Variants in SMC2 observed in about 807,000 individuals in gnomAD.
SMC2 encodes structural maintenance of chromosomes 2.
Under a neutral mutation model 142.6 loss-of-function variants are expected in SMC2, and 41 were observed. The observed-to-expected ratio is 0.29, with a 90% CI of 0.22 to 0.37. The LOEUF (loss-of-function observed/expected upper bound fraction) is 0.37. SMC2 is among the 10% of genes least tolerant of loss of function. The probability of loss-of-function intolerance (pLI) is 1.00; values close to 1 mark genes in which losing one functional copy is unlikely to be tolerated. For missense variants in SMC2, 1,265 were observed against 1,373.7 expected (o/e 0.92, Z 1.25); for synonymous variants, 463 against 457.5 (o/e 1.01, Z -0.15).
upstream of SMC2, chr9:104,092,277 A>T (rs1829995672): frequency 6.6e-6 from 1 of 152,218 alleles, no homozygotes; most frequent in African/African-American, 2.4e-5. Flanking sequence ...AGATCTGCAC[A>T]TTCTTCTAAC....
chr9:104,106,718 C>T (rs1463131416), intron 9 of SMC2, among the ~76,000 whole-genome samples: 1 of 152,108 alleles, frequency 6.6e-6, no homozygotes, highest in Non-Finnish European at 1.5e-5. Flanking sequence ...TTTTAGCATT[C>T]GAGTCACTAA....
chr9:104,102,392 T>A, intron 8 of SMC2, 32 bp from the exon 9 acceptor site: 1 of 1,566,434 alleles, frequency 6.4e-7, no homozygotes, highest in Non-Finnish European at 8.6e-7. Context: ...AAATTTTACA[T>A]AAGTGATTGA....
At chr9:104,101,859 C>T (rs1288054440) in intron 7 of SMC2, 101 bp from the exon 8 acceptor site, 10 of 705,682 alleles carry the variant, frequency 1.4e-5, no homozygotes, top group Non-Finnish European at 2.1e-5. Context: ...TAATACAGGA[C>T]AAAATCTATT....
At chr9:104,093,959 C>A (rs1253437809), upstream of SMC2, among the ~76,000 whole-genome samples, 4 of 152,216 alleles carry the variant, frequency 2.6e-5, no homozygotes, top group African/African-American at 9.6e-5. Flanking sequence ...AAAAGTAAGC[C>A]ACAGCCAGCA....
chr9:104,118,541 A>G (rs967639790), intron 15 of SMC2, among the ~76,000 whole-genome samples, 166 bp downstream of exon 15: 3 of 152,218 alleles, frequency 2.0e-5, no homozygotes, highest in Non-Finnish European at 1.5e-5. Flanking sequence ...AAAACAAAAA[A>G]TTAAACCTGC....
intron 9 of SMC2, 32 bp downstream of exon 9, chr9:104,102,605 T>A (rs149499224): frequency 1.2e-6 from 2 of 1,601,480 alleles, no homozygotes; most frequent in Non-Finnish European, 1.7e-6. Flanking sequence ...CTAGTGCCAC[T>A]TGTAGACAAG....
intron 9 of SMC2, among the ~76,000 whole-genome samples, chr9:104,109,861 A>G (rs1832231550): frequency 1.3e-5 from 2 of 152,196 alleles, no homozygotes; most frequent in African/African-American, 2.4e-5. Flanking sequence ...AAAAAGTTAA[A>G]ATTTATCAAA....
intron 23 of SMC2, among the ~76,000 whole-genome samples, chr9:104,137,340 A>T (rs1320797239): frequency 6.6e-6 from 1 of 152,150 alleles, no homozygotes; most frequent in Non-Finnish European, 1.5e-5. Flanking sequence ...ATATAATAAT[A>T]ATTATGATTC....
In SMC2 at chr9:104,139,499, A is replaced by T. The variant is rs1835887549; in HGVS notation, c.*184A>T. Reference sequence around the variant, plus strand: ...TATTCCTCATCTCTTAACTAGTCTAATTATGGTCCAATTATTGTGGTTGTG... The same window carrying T: ...TATTCCTCATCTCTTAACTAGTCTATTTATGGTCCAATTATTGTGGTTGTG... On this transcript the variant is annotated 3_prime_UTR_variant, in exon 25 of 25. Transcript: ENST00000374793. 8.8e-6 allele frequency: 4 copies of T among 454,368 alleles called. No individual in the cohort carries two copies. The highest frequency in any genetic ancestry group is 2.1e-5 in the African/African-American group (1 of 48,314). The allele number at this position is 454,368 out of a possible 1,614,324, so 28.1% of individuals were successfully genotyped here. A position where few individuals can be genotyped will look rare whatever the true frequency, so the allele number is the denominator to read the frequency against.
intron 22 of SMC2, among the ~76,000 whole-genome samples, 178 bp from the exon 23 acceptor site, chr9:104,134,237 A>T (rs1318929509): frequency 3.9e-5 from 6 of 152,128 alleles, no homozygotes. Context: ...ACTAGCACCG[A>T]TAGACGCTTT....
chr9:104,097,441 T>C (rs1830571709), intron 3 of SMC2, among the ~76,000 whole-genome samples: 1 of 151,178 alleles, frequency 6.6e-6, no homozygotes, highest in East Asian at 1.9e-4. Context: ...TCAACTCCTA[T>C]TTACTGTCCA....
chr9:104,129,890 T>A, intron 21 of SMC2, 45 bp downstream of exon 21: 1 of 1,418,852 alleles, frequency 7.0e-7, no homozygotes, highest in Non-Finnish European at 9.9e-7. Context: ...AGAACATGAC[T>A]AGCATTGACA....
Position 104,106,327 on chromosome 9 carries a change from A to G in SMC2, c.1020+3754A>G, listed in dbSNP as rs960481566. On this transcript the variant is annotated intron_variant, in intron 9 of 24. Transcript: ENST00000374793. The stretch of plus-strand genomic sequence containing the variant: ...ATCAGGGTCCACATGAGTGACATAT[A>G]TTTGTCCCTTTCAGGCAGCAAGTCC... Among the ~76,000 whole-genome samples, 3 of 152,268 alleles carry G rather than the reference A, an allele frequency of 2.0e-5. No individual in the cohort carries two copies. The East Asian group carries it at 5.8e-4, about 29-fold the overall frequency.
chr9:104,117,513 T>G (rs1833256963), intron 14 of SMC2, among the ~76,000 whole-genome samples: 1 of 152,256 alleles, frequency 6.6e-6, no homozygotes, highest in Admixed American at 6.5e-5. Context: ...TAAATTACTT[T>G]TACTCTCAGT....
chr9:104,129,788 A>G lies in SMC2; in HGVS notation c.2934A>G (p.Lys978=). 1 of 1,614,000 alleles carries G rather than the reference A, an allele frequency of 6.2e-7. No homozygotes were observed. Among genetic ancestry groups the G allele is most frequent in the Non-Finnish European group, 8.5e-7 (1 of 1,179,946 alleles). The change falls in exon 21 of 25, where the codon AAA becomes AAG. Residue 978 remains lysine, a synonymous_variant. Transcript: ENST00000374793. ...RLQKLQEMKE[K]LGRNVNMRAM... is the part of the protein sequence containing the mutation. ...AGAAGTTGCAAGAAATGAAGGAGAA[A>G]CTAGGAAGAAATGTCAATATGAGAG... is the stretch of plus-strand genomic sequence containing the variant.
chr9:104,113,582 A>G (rs950076055), intron 11 of SMC2, 107 bp downstream of exon 11: 2 of 801,534 alleles, frequency 2.5e-6, no homozygotes, highest in East Asian at 2.9e-5. Flanking sequence ...TTCTTAGCCT[A>G]TTAACAAGCA....
At position 104,127,432 on chromosome 9, in the gene SMC2, C is replaced by G. The variant is rs370655070; in HGVS notation, c.2742C>G (p.Asp914Glu). Residue 914 changes from aspartate (D) to glutamate (E), a missense_variant, in exon 20 of 25, where the codon GAC becomes GAG. Asp to Glu is a conservative substitution (Grantham distance 45). Around this residue, in one of 4 missense-constraint regions of SMC2, gnomAD observed 898 missense variants for 904.2 expected, o/e 0.99. Coordinates refer to ENST00000374793, the MANE Select transcript of SMC2 (RefSeq NM_006444.3). ...NDSQLKIKEL[D>E]HNISKHKREA... ...CTCAGCTTAAAATTAAGGAATTAGA[C>G]CACAACATCAGCAAACATAAACGGG... is the stretch of plus-strand genomic sequence containing the variant. 1 of 1,613,190 alleles carries G rather than the reference C, an allele frequency of 6.2e-7. No individual in the cohort carries two copies. The highest frequency in any genetic ancestry group is 8.5e-7 in the Non-Finnish European group (1 of 1,179,480).
intron 22 of SMC2, among the ~76,000 whole-genome samples, chr9:104,132,509 C>T (rs895324196): frequency 2.8e-4 from 43 of 152,084 alleles, no homozygotes; most frequent in African/African-American, 1.0e-3. Flanking sequence ...CTTAGCCTCT[C>T]ATGTGGAAGT....
Position 104,107,463 on chromosome 9 carries a change from A to G in SMC2, c.1021-4118A>G, listed in dbSNP as rs147945738. On this transcript the variant is annotated intron_variant, in intron 9 of 24. Transcript: ENST00000374793. ...CAGGCTAACAGACTGTAAATGTTTTAAAAGCAGCACCAAGGCCACTACTTT... is the reference window on the plus strand; with the variant it reads ...CAGGCTAACAGACTGTAAATGTTTTGAAAGCAGCACCAAGGCCACTACTTT... Among the ~76,000 whole-genome samples, 325 of 152,312 alleles carry G rather than the reference A, an allele frequency of 2.1e-3. 1 individual carries two copies. The highest frequency in any genetic ancestry group is 7.2e-3 in the African/African-American group (298 of 41,570).
Sources: allele counts gnomAD v4.1 joint callset (sites outside exome capture counted in the v4.1 genomes callset), GRCh38; gene constraint gnomAD v4.1.1; regional missense constraint gnomAD v4.1.1; transcripts MANE v1.5; gene names NCBI Gene and HGNC (gene_info 2026-07-23, HGNC 2026-07-21).